The following RBMS2 variants were observed in gnomAD, a reference collection of about 807,000 sequenced individuals.
The protein encoded by RBMS2 is RNA binding motif single stranded interacting protein 2.
A neutral mutation model predicts 58.4 loss-of-function variants in RBMS2; 38 were observed. The ratio of observed to expected loss-of-function variants is 0.65; its 90% CI spans 0.50 to 0.85. RBMS2 has a LOEUF of 0.85. Ranked by LOEUF, RBMS2 falls within the 40% of genes least tolerant of loss-of-function variation. The probability of loss-of-function intolerance (pLI) is 0.00; values close to 1 mark genes in which losing one functional copy is unlikely to be tolerated. For missense variants in RBMS2, 367 were observed against 503.7 expected, an observed-to-expected ratio of 0.73 and a Z score of 2.60; for synonymous variants, 151 against 180.7, an observed-to-expected ratio of 0.84 and a Z score of 1.32.
chr12:56,523,631 G>A (rs1042064822), intron 1 of RBMS2, among the ~76,000 whole-genome samples: 2 of 151,990 alleles, frequency 1.3e-5, no homozygotes. Context: ...TTGGTGGCAC[G>A]CGCCTGTAAT....
At chr12:56,582,694 C>T (rs531442393) in intron 9 of RBMS2, among the ~76,000 whole-genome samples, 4 of 152,178 alleles carry the variant, frequency 2.6e-5, no homozygotes, top group South Asian at 2.1e-4. Context: ...TTTAAGAGGG[C>T]GTCTCCCTCT....
chr12:56,555,572 T>C (rs1268500753), intron 1 of RBMS2, among the ~76,000 whole-genome samples: 1 of 151,568 alleles, frequency 6.6e-6, no homozygotes, highest in Non-Finnish European at 1.5e-5. Context: ...CTGGGCAACA[T>C]AGCAAGACTC....
At chr12:56,579,072 C>A (rs7299189) in intron 5 of RBMS2, among the ~76,000 whole-genome samples, 102,056 of 152,096 alleles carry the variant, frequency 0.67, 37,173 homozygotes, top group East Asian at 0.84. Context: ...AGTCCCCCAA[C>A]TTTGTTGTTT....
intron 1 of RBMS2, among the ~76,000 whole-genome samples, chr12:56,532,553 G>T (rs1025150562): frequency 2.1e-5 from 3 of 140,830 alleles, no homozygotes; most frequent in African/African-American, 7.6e-5. Context: ...AAAAAAAAAA[G>T]AAAAATAATT....
chr12:56,582,018 G>C, intron 8 of RBMS2, 41 bp from the exon 9 acceptor site: 1 of 1,571,040 alleles, frequency 6.4e-7, no homozygotes, highest in African/African-American at 1.4e-5. Flanking sequence ...TTCCCTTGTG[G>C]TTTCCTGTGA....
At chr12:56,571,971 C>G in intron 5 of RBMS2, 116 bp downstream of exon 5, 1 of 1,105,122 alleles carries the variant, frequency 9.0e-7, no homozygotes, top group South Asian at 2.4e-5. Context: ...TACTATTATT[C>G]AAAAATACTT....
rs60617245 is a variant in RBMS2 at position 56,587,064 on chromosome 12, G to A, written c.951+138G>A. On this transcript the variant is annotated intron_variant, in intron 10 of 13. Coordinates refer to ENST00000262031, the MANE Select transcript of RBMS2 (RefSeq NM_002898.4). ...GCAAATCACCTGAGGTCAGGAGTTC[G>A]AGACCAGCCTGGCCAACATGACAAA... 2,540 of 852,788 alleles carry A rather than the reference G, an allele frequency of 3.0e-3. 41 individuals carry two copies. In the African/African-American group the frequency reaches 0.035, roughly 12 times the overall value. The allele number at this position is 852,788 out of a possible 1,614,324, so 52.8% of individuals were successfully genotyped here. A position where few individuals can be genotyped will look rare whatever the true frequency, so the allele number is the denominator to read the frequency against.
intron 1 of RBMS2, among the ~76,000 whole-genome samples, chr12:56,533,240 A>G (rs1874096546): frequency 6.6e-6 from 1 of 151,786 alleles, no homozygotes; most frequent in Non-Finnish European, 1.5e-5. Flanking sequence ...AGGTAGGACT[A>G]TAGGCACTCA....
At chr12:56,534,863 G>A (rs549173422) in intron 1 of RBMS2, among the ~76,000 whole-genome samples, 1 of 152,106 alleles carries the variant, frequency 6.6e-6, no homozygotes, top group East Asian at 1.9e-4. Context: ...GGATGGTCTC[G>A]ATCTCCTGAC....
rs1299319166 is a variant in RBMS2, at chr12:56,538,026, ATTT to A, written c.66+15938_66+15940del. Among the ~76,000 whole-genome samples, 3 of 24,472 alleles carry A rather than the reference ATTT, an allele frequency of 1.2e-4. No individual in the cohort carries two copies. The East Asian group carries it at 6.8e-3, about 55-fold the overall frequency. The allele number at this position is 24,472 out of a possible 152,430, so 16.1% of individuals were successfully genotyped here. On this transcript the variant is annotated intron_variant, in intron 1 of 13. Coordinates refer to ENST00000262031, the MANE Select transcript of RBMS2 (RefSeq NM_002898.4). ...TCAAGTCCTTTGCTTATTTTATTTTATTTATTTATTTATTTATTTATTTGAGAC... is the reference window on the plus strand; with the variant it reads ...TCAAGTCCTTTGCTTATTTTATTTTAATTTATTTATTTATTTATTTGAGAC...
intron 12 of RBMS2, chr12:56,588,619 T>TA (rs910107979): frequency 0.016 from 7,410 of 468,800 alleles, 1 homozygote; most frequent in Middle Eastern, 0.019. Context: ...GTTCCATATT[T>TA]AAAAAAAAAA....
In RBMS2 at chr12:56,594,456, AGG is replaced by A. The variant is rs1289667056; in HGVS notation, c.*5325_*5326del. On this transcript the variant is annotated 3_prime_UTR_variant, in exon 14 of 14. Transcript: ENST00000262031. Reference sequence around the variant, plus strand: ...GGGTGTTATAAAAGCCAGTCTGTAAAGGGTAAATTCCAAATCTTGTGCCTTGT... The same window carrying A: ...GGGTGTTATAAAAGCCAGTCTGTAAAGTAAATTCCAAATCTTGTGCCTTGT... The A allele has an allele frequency of 6.6e-6, 1 of 152,246 alleles. No individual in the cohort carries two copies. The highest frequency in any genetic ancestry group is 1.5e-5 in the Non-Finnish European group (1 of 68,046). The allele number at this position is 152,246 out of a possible 1,614,324, so 9.4% of individuals were successfully genotyped here. A position where few individuals can be genotyped will look rare whatever the true frequency, so the allele number is the denominator to read the frequency against.
intron 1 of RBMS2, 47 bp from the exon 2 acceptor site, chr12:56,562,369 AC>A: frequency 6.6e-7 from 1 of 1,519,442 alleles, no homozygotes; most frequent in Non-Finnish European, 9.1e-7. Context: ...TCACTCTCCA[AC>A]ATGTAAATGG....
chr12:56,574,964 T>G (rs1343833335), intron 5 of RBMS2, among the ~76,000 whole-genome samples: 3 of 151,112 alleles, frequency 2.0e-5, no homozygotes, highest in African/African-American at 7.4e-5. Context: ...CTGGCTAACA[T>G]GGTGAAACCC....
chr12:56,587,719 G>A, intron 11 of RBMS2, 55 bp downstream of exon 11: 2 of 1,559,810 alleles, frequency 1.3e-6, no homozygotes, highest in East Asian at 2.3e-5. Flanking sequence ...GCATACCTGT[G>A]TAATACTCTT....
chr12:56,589,373 A>T lies in RBMS2; in HGVS notation c.*240A>T. On this transcript the variant is annotated 3_prime_UTR_variant, in exon 14 of 14. Coordinates refer to ENST00000262031, the MANE Select transcript of RBMS2 (RefSeq NM_002898.4). The stretch of plus-strand genomic sequence containing the variant: ...TCACTTTTTTTGTGTGCTACATTCA[A>T]GGAGATCAAAAAAACTTTTCTTCTT... 9.1e-7 allele frequency: 1 copy of T among 1,094,192 alleles called. No individual in the cohort carries two copies. The allele number at this position is 1,094,192 out of a possible 1,614,324, so 67.8% of individuals were successfully genotyped here. A position where few individuals can be genotyped will look rare whatever the true frequency, so the allele number is the denominator to read the frequency against.
intron 1 of RBMS2, among the ~76,000 whole-genome samples, chr12:56,545,029 TG>T (rs1318214805): frequency 6.6e-6 from 1 of 152,156 alleles, no homozygotes; most frequent in Admixed American, 6.6e-5. Context: ...CAGTTTACAC[TG>T]TACCCAATAT....
chr12:56,576,388 T>C (rs780655551), intron 5 of RBMS2, among the ~76,000 whole-genome samples: 3 of 152,126 alleles, frequency 2.0e-5, no homozygotes, highest in Non-Finnish European at 4.4e-5. Context: ...TCCCACCCTT[T>C]GTCCAAAGTA....
At chr12:56,554,209 T>C (rs1048009398) in intron 1 of RBMS2, among the ~76,000 whole-genome samples, 3 of 152,296 alleles carry the variant, frequency 2.0e-5, no homozygotes, top group South Asian at 2.1e-4. Context: ...CTGTCATCTG[T>C]CTGCAGAGGC....
Sources: allele counts gnomAD v4.1 joint callset (sites outside exome capture counted in the v4.1 genomes callset), GRCh38; gene constraint gnomAD v4.1.1; transcripts MANE v1.5; gene names NCBI Gene and HGNC (gene_info 2026-07-23, HGNC 2026-07-21).